The following YTHDF3 variants were observed in gnomAD, a reference collection of about 807,000 sequenced individuals.
The protein encoded by YTHDF3 is YTH domain-containing family protein 3.
YTHDF3 carries 9 observed loss-of-function variants against 52.5 expected under a neutral mutation model. That is an observed-to-expected ratio of 0.17 (90% CI 0.10 to 0.30). The LOEUF is 0.30. YTHDF3 is among the 10% of genes least tolerant of loss of function. YTHDF3 has a pLI of 1.00. For synonymous variants in YTHDF3, 274 were observed against 243.3 expected (o/e 1.13, Z -1.18); for missense variants, 534 against 715.0 (o/e 0.75, Z 2.89).
chr8:63,169,907 G>C (rs1021115285), intron 2 of YTHDF3, among the ~76,000 whole-genome samples: 52 of 152,188 alleles, frequency 3.4e-4, no homozygotes, highest in Non-Finnish European at 1.2e-4. Context: ...GGTTAGAACT[G>C]AGTAGGCATG....
intron 4 of YTHDF3, among the ~76,000 whole-genome samples, chr8:63,195,617 C>A (rs1809180712): frequency 6.6e-6 from 1 of 151,830 alleles, no homozygotes; most frequent in South Asian, 2.1e-4. Flanking sequence ...AAACAATAAT[C>A]AAAAGGAGGA....
In YTHDF3 at chr8:63,187,283, C is replaced by T. The variant is rs372073298; in HGVS notation, c.1272C>T (p.Tyr424=). The change falls in exon 4 of 5, where the codon TAC becomes TAT. Residue 424 remains tyrosine, a synonymous_variant. Coordinates refer to ENST00000539294, the MANE Select transcript of YTHDF3 (RefSeq NM_152758.6). ...GACGTGTGTTTATAATTAAAAGCTA[C>T]TCTGAGGATGACATACATCGTTCCA... is the stretch of plus-strand genomic sequence containing the variant. The part of the protein sequence containing the change: ...KNGRVFIIKS[Y]SEDDIHRSIK... The T allele has an allele frequency of 1.9e-5, 31 of 1,613,922 alleles. No individual in the cohort carries two copies. The highest frequency in any genetic ancestry group is 1.6e-4 in the Middle Eastern group (1 of 6,084).
At chr8:63,201,349 G>T (rs1020929881) in intron 4 of YTHDF3, among the ~76,000 whole-genome samples, 3 of 151,936 alleles carry the variant, frequency 2.0e-5, no homozygotes, top group Non-Finnish European at 4.4e-5. Flanking sequence ...CATAGACCCT[G>T]TCTCTATATT....
intron 4 of YTHDF3, among the ~76,000 whole-genome samples, chr8:63,200,513 C>G (rs559990113): frequency 6.6e-6 from 1 of 150,804 alleles, no homozygotes; most frequent in Non-Finnish European, 1.5e-5. Context: ...CTCATTGGGT[C>G]CAGGCCATAC....
intron 3 of YTHDF3, among the ~76,000 whole-genome samples, chr8:63,184,272 T>C (rs1202028057): frequency 6.6e-6 from 1 of 152,188 alleles, no homozygotes; most frequent in Non-Finnish European, 1.5e-5. Flanking sequence ...ATTTGAAAAA[T>C]GGTTTTGTGA....
chr8:63,176,263 A>C (rs1303156512), intron 3 of YTHDF3, among the ~76,000 whole-genome samples: 4 of 152,322 alleles, frequency 2.6e-5, no homozygotes, highest in African/African-American at 9.6e-5. Context: ...TGGGTCTTAA[A>C]ATTAGTTCTG....
At chr8:63,193,776 A>T (rs1809065944) in intron 4 of YTHDF3, among the ~76,000 whole-genome samples, 1 of 152,204 alleles carries the variant, frequency 6.6e-6, no homozygotes, top group Non-Finnish European at 1.5e-5. Context: ...CTACAGTGAG[A>T]ATATTTTATA....
At position 63,200,288 on chromosome 8, in the gene YTHDF3, G is replaced by C. The variant is rs556745211; in HGVS notation, c.1735-9395G>C. Among the ~76,000 whole-genome samples, 424 of 152,220 alleles carry C rather than the reference G, an allele frequency of 2.8e-3. 3 individuals carry two copies. The highest frequency in any genetic ancestry group is 9.3e-3 in the African/African-American group (388 of 41,530). On this transcript the variant is annotated intron_variant, in intron 4 of 4. Coordinates refer to ENST00000539294, the MANE Select transcript of YTHDF3 (RefSeq NM_152758.6). The stretch of plus-strand genomic sequence containing the variant: ...TTCATCAAAGTGAGCAAGCTGAGAG[G>C]GCAATAGAGTAAGCTGAGGAGGCAG...
rs751378616 is a variant in YTHDF3 at position 63,186,659 on chromosome 8, T to C, written c.648T>C (p.Gly216=). 1 of 1,613,972 alleles carries C rather than the reference T, an allele frequency of 6.2e-7. No homozygotes were observed. The highest frequency in any genetic ancestry group is 1.1e-5 in the South Asian group (1 of 91,084). The change falls in exon 4 of 5, where the codon GGT becomes GGC. Residue 216 remains glycine (G), a synonymous_variant. Transcript: ENST00000539294. ...TAGGTACAGCTTTGAGCAGCAGTGG[T>C]ATGACTAGCATTGCAACCAATAGTG... ...KTVGTALSSS[G]MTSIATNSVP...
At chr8:63,176,141 TAGAA>T (rs1427194661) in intron 3 of YTHDF3, among the ~76,000 whole-genome samples, 3 of 152,192 alleles carry the variant, frequency 2.0e-5, no homozygotes, top group African/African-American at 7.2e-5. Context: ...AAGCCACTGA[TAGAA>T]ATAAATGAAA....
chr8:63,175,267 AT>A, intron 2 of YTHDF3, 63 bp from the exon 3 acceptor site: 2 of 1,216,862 alleles, frequency 1.6e-6, no homozygotes, highest in South Asian at 1.4e-5. Flanking sequence ...TATTAAAAAC[AT>A]TAGGTTGTGC....
chr8:63,193,774 A>G (rs927187969), intron 4 of YTHDF3, among the ~76,000 whole-genome samples: 1 of 152,198 alleles, frequency 6.6e-6, no homozygotes, highest in Non-Finnish European at 1.5e-5. Flanking sequence ...GACTACAGTG[A>G]GAATATTTTA....
At chr8:63,197,841 G>A (rs545541786) in intron 4 of YTHDF3, among the ~76,000 whole-genome samples, 24 of 152,308 alleles carry the variant, frequency 1.6e-4, no homozygotes, top group South Asian at 1.2e-3. Flanking sequence ...CTGCATAGCA[G>A]TAGAATCTAC....
chr8:63,172,813 C>G, intron 2 of YTHDF3: 1 of 1,231,294 alleles, frequency 8.1e-7, no homozygotes, highest in Non-Finnish European at 1.0e-6. Flanking sequence ...GTCATCTGTT[C>G]TTTTTACCCC....
At chr8:63,187,849 C>A (rs1808629257) in intron 4 of YTHDF3, 104 bp downstream of exon 4, 1 of 1,267,416 alleles carries the variant, frequency 7.9e-7, no homozygotes, top group Non-Finnish European at 1.1e-6. Context: ...AAACCAACTA[C>A]TTAAGAAACA....
intron 3 of YTHDF3, among the ~76,000 whole-genome samples, chr8:63,180,835 G>A (rs1019931072): frequency 6.6e-5 from 10 of 152,226 alleles, no homozygotes; most frequent in African/African-American, 1.2e-4. Flanking sequence ...CCAGTCAGGC[G>A]TGGCGGCAAG....
At position 63,168,770 on chromosome 8, in the gene YTHDF3, C is replaced by T; in HGVS notation, c.-108C>T. 2 of 1,545,914 alleles carry T rather than the reference C, an allele frequency of 1.3e-6. No homozygotes were observed. Among genetic ancestry groups the T allele is most frequent in the Non-Finnish European group, 1.7e-6 (2 of 1,144,332 alleles). ...GGTTCTCAGCGAACGGCGGCAGCGG[C>T]GGCGGCTGGAACAATCACTCGGCCA... is the stretch of plus-strand genomic sequence containing the variant. On this transcript the variant is annotated 5_prime_UTR_variant, in exon 1 of 5. Coordinates refer to ENST00000539294, the MANE Select transcript of YTHDF3 (RefSeq NM_152758.6).
intron 4 of YTHDF3, among the ~76,000 whole-genome samples, chr8:63,192,831 TA>T (rs1165575440): frequency 2.1e-4 from 31 of 149,972 alleles, no homozygotes; most frequent in African/African-American, 7.5e-4. Flanking sequence ...TTTTTTTTTT[TA>T]AATAAAAGTA....
intron 4 of YTHDF3, among the ~76,000 whole-genome samples, chr8:63,197,427 A>C (rs766576942): frequency 6.6e-6 from 1 of 152,234 alleles, no homozygotes; most frequent in Non-Finnish European, 1.5e-5. Flanking sequence ...AATTATATTT[A>C]GAACAAAATG....
Sources: allele counts gnomAD v4.1 joint callset (sites outside exome capture counted in the v4.1 genomes callset), GRCh38; gene constraint gnomAD v4.1.1; transcripts MANE v1.5; gene names NCBI Gene and HGNC (gene_info 2026-07-23, HGNC 2026-07-21).